The following LAMA2 variants were observed in gnomAD, a reference collection of about 807,000 sequenced individuals.
LAMA2 encodes the protein laminin subunit alpha 2.
In LAMA2, 269 loss-of-function variants were observed where a neutral mutation model predicts 364.8. The observed-to-expected ratio is 0.74, with a 90% CI of 0.67 to 0.82. The LOEUF (loss-of-function observed/expected upper bound fraction) is 0.82. Among genes scored for constraint, LAMA2 ranks in the 40% least tolerant of loss-of-function variants. The pLI is 0.00. For synonymous variants in LAMA2, 1,379 were observed against 1,370.6 expected, an observed-to-expected ratio of 1.01 and a Z score of -0.14; for missense variants, 3,807 against 3,873.2, an observed-to-expected ratio of 0.98 and a Z score of 0.45.
intron 17 of LAMA2, among the ~76,000 whole-genome samples, chr6:129,272,327 C>T (rs555457271): frequency 6.6e-6 from 1 of 152,188 alleles, no homozygotes; most frequent in South Asian, 2.1e-4. Flanking sequence ...ACTCTCTGTG[C>T]CTCAATTTTG....
At chr6:129,177,597 T>C in intron 9 of LAMA2, 109 bp from the exon 10 acceptor site, 1 of 1,104,598 alleles carries the variant, frequency 9.1e-7, no homozygotes, top group Non-Finnish European at 1.3e-6. Flanking sequence ...ATATAAAAAA[T>C]CTATTTTTGT....
intron 8 of LAMA2, chr6:129,158,157 T>C: frequency 6.2e-7 from 1 of 1,612,958 alleles, no homozygotes; most frequent in Non-Finnish European, 8.5e-7. Flanking sequence ...CGTAGCACAT[T>C]TCAGGAAGTC....
chr6:129,090,327 CTTCA>C (rs1774740124), intron 3 of LAMA2, among the ~76,000 whole-genome samples: 4 of 152,242 alleles, frequency 2.6e-5, no homozygotes, highest in Admixed American at 2.6e-4. Flanking sequence ...TTTGTAACTA[CTTCA>C]TTATGTATCT....
chr6:129,086,313 A>G (rs1234447752), intron 3 of LAMA2, among the ~76,000 whole-genome samples: 3 of 152,212 alleles, frequency 2.0e-5, no homozygotes, highest in East Asian at 3.8e-4. Flanking sequence ...CCCATTTTTC[A>G]TAATCTATTC....
At chr6:128,886,093 A>G (rs1052178560) in intron 1 of LAMA2, among the ~76,000 whole-genome samples, 1 of 152,194 alleles carries the variant, frequency 6.6e-6, no homozygotes, top group African/African-American at 2.4e-5. Context: ...GCAGTGCAAC[A>G]GAGGTTTTCT....
At chr6:129,078,956 T>C (rs1196654115) in intron 3 of LAMA2, among the ~76,000 whole-genome samples, 1 of 152,232 alleles carries the variant, frequency 6.6e-6, no homozygotes, top group Non-Finnish European at 1.5e-5. Flanking sequence ...TTCCACGTTG[T>C]AGCATATATC....
chr6:129,507,710 C>A, intron 62 of LAMA2, 68 bp downstream of exon 62: 5 of 1,472,404 alleles, frequency 3.4e-6, no homozygotes, highest in Non-Finnish European at 4.8e-6. Flanking sequence ...TTGCTAGTAC[C>A]AAATAATAAA....
chr6:128,890,329 A>G (rs978030353), intron 1 of LAMA2, among the ~76,000 whole-genome samples: 17 of 152,162 alleles, frequency 1.1e-4, no homozygotes, highest in Admixed American at 8.5e-4. Flanking sequence ...CTTATTTTAG[A>G]ATTAGAAATT....
intron 1 of LAMA2, chr6:128,930,033 G>A (rs897025564): frequency 2.7e-5 from 12 of 441,210 alleles, no homozygotes; most frequent in Non-Finnish European, 4.5e-5. Context: ...GCAGAGCACG[G>A]GGCGCCGTGG....
At chr6:129,321,032 C>T (rs192302746) in intron 28 of LAMA2, among the ~76,000 whole-genome samples, 91 of 152,222 alleles carry the variant, frequency 6.0e-4, no homozygotes, top group Non-Finnish European at 2.5e-4. Flanking sequence ...ATATAGAACA[C>T]GACAAAACTT....
At chr6:129,446,920 A>T (rs1236133077) in intron 45 of LAMA2, among the ~76,000 whole-genome samples, 2 of 152,208 alleles carry the variant, frequency 1.3e-5, no homozygotes, top group African/African-American at 4.8e-5. Flanking sequence ...AGTGAAGATG[A>T]TGTTACATAA....
In LAMA2 at chr6:129,393,121, G is replaced by A. The variant is rs2114674732; in HGVS notation, c.5311G>A (p.Asp1771Asn). 1 of 1,614,024 alleles carries A rather than the reference G, an allele frequency of 6.2e-7. No individual in the cohort carries two copies. The highest frequency in any genetic ancestry group is 1.1e-5 in the South Asian group (1 of 91,076). The stretch of plus-strand genomic sequence containing the variant: ...GGGGGAAAATGAAGAAATGGAGAAG[G>A]ATCTCCGGGAAAAACTGGCTGACTA... ...SRGENEEMEKDLREKLADYKN... is the reference protein window; with the variant it reads ...SRGENEEMEKNLREKLADYKN... The change falls in exon 37 of 65, where the codon GAT (aspartate) becomes AAT (asparagine). Residue 1771 changes from aspartate to asparagine, a missense_variant. By Grantham distance (23) the Asp-to-Asn change is conservative. Coordinates refer to ENST00000421865, the MANE Select transcript of LAMA2 (RefSeq NM_000426.4).
chr6:128,900,761 T>G (rs35685785), intron 1 of LAMA2, among the ~76,000 whole-genome samples: 1 of 152,248 alleles, frequency 6.6e-6, no homozygotes, highest in Middle Eastern at 3.4e-3. Context: ...ATCACTTGGA[T>G]AAGATTGCCT....
At chr6:128,917,325 GAGA>G (rs1368476872) in intron 1 of LAMA2, among the ~76,000 whole-genome samples, 1 of 152,068 alleles carries the variant, frequency 6.6e-6, no homozygotes, top group African/African-American at 2.4e-5. Flanking sequence ...ATAGTATATA[GAGA>G]AGAACATTAT....
intron 1 of LAMA2, among the ~76,000 whole-genome samples, chr6:128,906,042 C>T (rs1286073220): frequency 1.7e-3 from 248 of 149,748 alleles, no homozygotes; most frequent in African/African-American, 5.8e-3. Context: ...CGTTGTTGGA[C>T]ATTTGGGTTG....
At chr6:129,178,489 G>A (rs76710417) in intron 10 of LAMA2, among the ~76,000 whole-genome samples, 2,945 of 152,172 alleles carry the variant, frequency 0.019, 115 homozygotes, top group African/African-American at 0.066. Context: ...ACATTATGAA[G>A]CATACAGGCA....
At chr6:129,199,569 CT>C (rs1457883511) in intron 12 of LAMA2, among the ~76,000 whole-genome samples, 2 of 152,084 alleles carry the variant, frequency 1.3e-5, no homozygotes, top group African/African-American at 4.8e-5. Flanking sequence ...ATATACTTAT[CT>C]GCTTGTAAAA....
chr6:129,281,368 G>A (rs1316595416), intron 18 of LAMA2, among the ~76,000 whole-genome samples: 1 of 152,114 alleles, frequency 6.6e-6, no homozygotes, highest in African/African-American at 2.4e-5. Flanking sequence ...AATGACAGCT[G>A]CTCTGTCATA....
intron 12 of LAMA2, among the ~76,000 whole-genome samples, chr6:129,208,689 GAAA>G (rs1268639010): frequency 8.3e-6 from 1 of 119,838 alleles, no homozygotes; most frequent in African/African-American, 3.3e-5. Context: ...AGGAAAGAAA[GAAA>G]AAGGAAGGAA....
Sources: gnomAD v4.1 joint callset for allele counts (sites outside exome capture counted in the v4.1 genomes callset) on GRCh38, gnomAD v4.1.1 for gene constraint, MANE v1.5 for transcripts, NCBI Gene and HGNC (gene_info 2026-07-23, HGNC 2026-07-21) for gene names.